Variants in ITFG1 observed in about 807,000 individuals in gnomAD.
The protein encoded by ITFG1 is T-cell immunomodulatory protein.
ITFG1 carries 34 observed loss-of-function variants against 81.8 expected under a neutral mutation model. The observed-to-expected ratio is 0.42, with a 90% CI of 0.32 to 0.55. The LOEUF is 0.55. ITFG1 is among the 20% of genes least tolerant of loss of function. ITFG1 has a pLI of 0.17. For synonymous variants in ITFG1, 285 were observed against 270.6 expected (o/e 1.05, Z -0.52); for missense variants, 672 against 755.4 (o/e 0.89, Z 1.29).
intron 6 of ITFG1, among the ~76,000 whole-genome samples, chr16:47,383,567 G>A (rs1443615363): frequency 2.6e-5 from 4 of 152,156 alleles, no homozygotes; most frequent in African/African-American, 7.2e-5. Flanking sequence ...TTTTTTAGCA[G>A]CTGAAACATG....
At position 47,451,479 on chromosome 16, in the gene ITFG1, A is replaced by G. The variant is rs757571577; in HGVS notation, c.486-9T>C. On this transcript the variant is annotated splice_polypyrimidine_tract_variant and intron_variant, in intron 4 of 17. Transcript: ENST00000320640. ...TTAGATCACCATTGAAACTGAAAAA[A>G]AATTAAAACAATAAGCAGCTATTTC... 2.1e-6 allele frequency: 3 copies of G among 1,402,756 alleles called. No homozygotes were observed. The highest frequency in any genetic ancestry group is 3.0e-6 in the Non-Finnish European group (3 of 1,001,398). The allele number at this position is 1,402,756 out of a possible 1,614,324, so 86.9% of individuals were successfully genotyped here.
At chr16:47,338,543 A>G (rs1967739607) in intron 8 of ITFG1, among the ~76,000 whole-genome samples, 1 of 152,220 alleles carries the variant, frequency 6.6e-6, no homozygotes, top group South Asian at 2.1e-4. Flanking sequence ...CAAAAAAATC[A>G]CAAGGCATAC....
At chr16:47,292,899 C>T (rs1308841884) in intron 10 of ITFG1, among the ~76,000 whole-genome samples, 1 of 150,658 alleles carries the variant, frequency 6.6e-6, no homozygotes, top group East Asian at 1.9e-4. Flanking sequence ...CCATTCTGCA[C>T]ATTAGAAACT....
chr16:47,296,910 T>C (rs1216710867), intron 10 of ITFG1, among the ~76,000 whole-genome samples: 1 of 152,194 alleles, frequency 6.6e-6, no homozygotes, highest in African/African-American at 2.4e-5. Context: ...AATTATATGG[T>C]TAGAATGTTC....
rs137937493 is a variant in ITFG1 at position 47,445,083 on chromosome 16, C to G, written c.560+6313G>C. 2.8e-5 allele frequency among the ~76,000 whole-genome samples: 4 copies of G among 145,244 alleles called. No individual in the cohort carries two copies. In the East Asian group the frequency reaches 8.0e-4, roughly 29 times the overall value. ...GGACCATGATGTCTGCTTTTGTATG[C>G]AAGCTTCATGTTAAGAGAAATGTAC... On this transcript the variant is annotated intron_variant, in intron 5 of 17. Coordinates refer to ENST00000320640, the MANE Select transcript of ITFG1 (RefSeq NM_030790.5).
At chr16:47,328,538 A>G (rs182557451) in intron 8 of ITFG1, among the ~76,000 whole-genome samples, 1 of 152,140 alleles carries the variant, frequency 6.6e-6, no homozygotes, top group Non-Finnish European at 1.5e-5. Flanking sequence ...AGTTGAGAAG[A>G]AGGAAATTTA....
At chr16:47,190,808 G>A (rs1243004758) in intron 14 of ITFG1, among the ~76,000 whole-genome samples, 1 of 152,148 alleles carries the variant, frequency 6.6e-6, no homozygotes, top group Non-Finnish European at 1.5e-5. Context: ...TGATTCAGTG[G>A]GTTGACTGGG....
At chr16:47,395,101 T>G (rs1038446465) in intron 6 of ITFG1, among the ~76,000 whole-genome samples, 1 of 152,164 alleles carries the variant, frequency 6.6e-6, no homozygotes, top group African/African-American at 2.4e-5. Context: ...CTAATTTTAT[T>G]TCCTTCTTAA....
intron 5 of ITFG1, among the ~76,000 whole-genome samples, chr16:47,431,539 G>A (rs551118946): frequency 6.6e-6 from 1 of 152,300 alleles, no homozygotes; most frequent in South Asian, 2.1e-4. Flanking sequence ...CAAAAAGGTT[G>A]GGGACTGCTG....
Position 47,158,518 on chromosome 16 carries a change from A to G in ITFG1, c.1779+355T>C, listed in dbSNP as rs150105910. Among the ~76,000 whole-genome samples, 508 of 152,348 alleles carry G rather than the reference A, an allele frequency of 3.3e-3. 1 individual carries two copies. The highest frequency in any genetic ancestry group is 0.012 in the African/African-American group (482 of 41,580). On this transcript the variant is annotated intron_variant, in intron 17 of 17. Transcript: ENST00000320640. ...GCCAAAGAATGTCCATGGCTTTATCAGTACATACTGAACACACGTTCATTT... is the reference window on the plus strand; with the variant it reads ...GCCAAAGAATGTCCATGGCTTTATCGGTACATACTGAACACACGTTCATTT...
intron 12 of ITFG1, among the ~76,000 whole-genome samples, chr16:47,255,548 T>G (rs1284517491): frequency 6.6e-6 from 1 of 152,232 alleles, no homozygotes; most frequent in Non-Finnish European, 1.5e-5. Flanking sequence ...AGAATGCTTC[T>G]TAGAGACACA....
At chr16:47,391,933 A>T (rs1968536548) in intron 6 of ITFG1, among the ~76,000 whole-genome samples, 1 of 152,192 alleles carries the variant, frequency 6.6e-6, no homozygotes, top group Non-Finnish European at 1.5e-5. Context: ...GGTGCTTAAT[A>T]TATGCCAAGT....
intron 5 of ITFG1, among the ~76,000 whole-genome samples, chr16:47,433,300 T>C (rs1969116867): frequency 1.3e-5 from 2 of 152,244 alleles, no homozygotes; most frequent in Admixed American, 1.3e-4. Flanking sequence ...CTTGAATTCA[T>C]TGCTATAACT....
chr16:47,204,221 T>G (rs911689196), intron 14 of ITFG1, among the ~76,000 whole-genome samples: 1 of 152,208 alleles, frequency 6.6e-6, no homozygotes, highest in Non-Finnish European at 1.5e-5. Flanking sequence ...CCACTTGTTA[T>G]AGCTAAATTT....
intron 14 of ITFG1, among the ~76,000 whole-genome samples, chr16:47,171,243 A>G (rs760040007): frequency 9.2e-5 from 14 of 151,728 alleles, no homozygotes; most frequent in Non-Finnish European, 1.8e-4. Flanking sequence ...CCTGGCCTCA[A>G]GCATTCTTCA....
At chr16:47,174,581 T>A (rs1202763591) in intron 14 of ITFG1, among the ~76,000 whole-genome samples, 1 of 152,084 alleles carries the variant, frequency 6.6e-6, no homozygotes, top group Non-Finnish European at 1.5e-5. Context: ...AGTGCAGTGG[T>A]ACGATCTCGG....
At chr16:47,278,059 C>A (rs1420216797) in intron 10 of ITFG1, among the ~76,000 whole-genome samples, 2 of 152,110 alleles carry the variant, frequency 1.3e-5, no homozygotes. Context: ...ACATATCTAC[C>A]TGTGTTCCCT....
intron 8 of ITFG1, among the ~76,000 whole-genome samples, chr16:47,326,139 A>C (rs1330666422): frequency 6.6e-6 from 1 of 152,158 alleles, no homozygotes; most frequent in African/African-American, 2.4e-5. Context: ...TCAAGTGGGC[A>C]TCATCCCTGG....
chr16:47,264,257 T>C (rs1001690517), intron 10 of ITFG1, among the ~76,000 whole-genome samples: 1 of 152,054 alleles, frequency 6.6e-6, no homozygotes, highest in Non-Finnish European at 1.5e-5. Flanking sequence ...AAAAACCTAA[T>C]TGGGTTCTGA....
Sources: allele counts gnomAD v4.1 joint callset (sites outside exome capture counted in the v4.1 genomes callset), GRCh38; gene constraint gnomAD v4.1.1; transcripts MANE v1.5; gene names NCBI Gene and HGNC (gene_info 2026-07-23, HGNC 2026-07-21).